The following DUX4 variants were observed in gnomAD, a reference collection of about 807,000 sequenced individuals.
DUX4 encodes double homeobox 4.
chr4:190,179,399 AG>A (rs1742490543), downstream of DUX4, among the ~76,000 whole-genome samples: 5 of 151,060 alleles, frequency 3.3e-5, no homozygotes, highest in South Asian at 2.1e-4. Context: ...AGCCTTGACA[AG>A]TGGTACATCA....
At chr4:190,177,387 G>T (rs1742363769), downstream of DUX4, among the ~76,000 whole-genome samples, 39 of 135,912 alleles carry the variant, frequency 2.9e-4, no homozygotes, top group East Asian at 6.6e-4. Context: ...GCAGAAATAT[G>T]TCACAAAGCC....
downstream of DUX4, among the ~76,000 whole-genome samples, chr4:190,176,847 C>G (rs1224246517): frequency 3.6e-4 from 46 of 127,736 alleles, no homozygotes; most frequent in African/African-American, 9.2e-4. Flanking sequence ...TGTCACAAAG[C>G]CTTCTGTAGG....
At chr4:190,183,138 G>A (rs1394723422) in intron 1 of DUX4, 1 of 64,650 alleles carries the variant, frequency 1.5e-5, no homozygotes, top group East Asian at 6.7e-4. Context: ...GTTAGGGTTA[G>A]GATTGGGGTT....
At chr4:190,181,330 G>A (rs1349476977) in intron 1 of DUX4, among the ~76,000 whole-genome samples, 1 of 1,136 alleles carries the variant, frequency 8.8e-4, no homozygotes, top group African/African-American at 1.8e-3. Context: ...CATCCCCTGG[G>A]TGATCTCTGC....
chr4:190,177,567 A>AGATGAGTGAT (rs1742375548), downstream of DUX4, among the ~76,000 whole-genome samples: 1 of 144,588 alleles, frequency 6.9e-6, no homozygotes, highest in Non-Finnish European at 1.5e-5. Flanking sequence ...GCGTTACATC[A>AGATGAGTGAT]CATGAGTGAT....
chr4:190,181,637 T>TCACAGTGCCCCCAC (rs1742588152), intron 1 of DUX4, among the ~76,000 whole-genome samples: 1 of 7,860 alleles, frequency 1.3e-4, no homozygotes, highest in African/African-American at 5.7e-4. Flanking sequence ...AAGCCCCCTG[T>TCACAGTGCCCCCAC]AGGCAGAGCC....
chr4:190,178,353 G>GCC (rs1742419566), downstream of DUX4, among the ~76,000 whole-genome samples: 1 of 149,196 alleles, frequency 6.7e-6, no homozygotes, highest in Non-Finnish European at 1.5e-5. Context: ...ATGTCACAAT[G>GCC]TCCCCTGTAG....
downstream of DUX4, among the ~76,000 whole-genome samples, chr4:190,176,570 A>G (rs1425706390): frequency 2.3e-5 from 2 of 87,592 alleles, no homozygotes; most frequent in Admixed American, 1.4e-4. Context: ...TATTAGTCAT[A>G]AAGCCTCCTG....
rs1579828993 is a variant in DUX4, at chr4:190,175,162, G to C, written c.*114G>C. On this transcript the variant is annotated 3_prime_UTR_variant, in exon 1 of 2. Coordinates refer to ENST00000565211, the MANE Select transcript of DUX4 (RefSeq NM_001306068.3). The stretch of plus-strand genomic sequence containing the variant: ...TGTCTCCGCCCCGCCCCCTCCACCG[G>C]GCTGACCGGCCTGGGATTCCTGCCT... 5.2e-5 allele frequency: 5 copies of C among 96,728 alleles called. No homozygotes were observed. Among genetic ancestry groups the C allele is most frequent in the African/African-American group, 2.7e-4 (3 of 11,058 alleles). 6.0% of individuals were successfully genotyped at this position (96,728 alleles called of 1,614,324 possible).
chr4:190,179,742 G>A (rs1742509184), downstream of DUX4, among the ~76,000 whole-genome samples: 1 of 152,140 alleles, frequency 6.6e-6, no homozygotes, highest in South Asian at 2.1e-4. Flanking sequence ...CTAGACAAGA[G>A]TTACATCACC....
At chr4:190,181,425 GC>G (rs1742569842) in intron 1 of DUX4, among the ~76,000 whole-genome samples, 147 of 6,058 alleles carry the variant, frequency 0.024, no homozygotes, top group Non-Finnish European at 0.031. Flanking sequence ...ATTTCACAAT[GC>G]CCCTGCAGGC....
intron 1 of DUX4, among the ~76,000 whole-genome samples, chr4:190,181,335 CTCTGCAA>C (rs1579837244): frequency 0.4 from 246 of 608 alleles, 89 homozygotes; most frequent in African/African-American, 0.53. Context: ...CCTGGGTGAT[CTCTGCAA>C]AGATATGCCA....
chr4:190,176,651 G>A (rs1276071065), downstream of DUX4, among the ~76,000 whole-genome samples: 348 of 119,476 alleles, frequency 2.9e-3, 19 homozygotes, highest in African/African-American at 8.4e-3. Flanking sequence ...AGCCCCTGTA[G>A]GCAGAGCCTA....
At chr4:190,177,488 AT>A (rs1742370429), downstream of DUX4, among the ~76,000 whole-genome samples, 2 of 152,016 alleles carry the variant, frequency 1.3e-5, no homozygotes, top group Non-Finnish European at 1.5e-5. Flanking sequence ...ATCCCAGAAA[AT>A]TGTTACATCA....
chr4:190,176,180 C>T (rs1742296058), downstream of DUX4, among the ~76,000 whole-genome samples: 2 of 112,582 alleles, frequency 1.8e-5, 1 homozygote, highest in Admixed American at 2.2e-4. Flanking sequence ...ATAAGCCAAA[C>T]CTTGACAAGG....
downstream of DUX4, among the ~76,000 whole-genome samples, chr4:190,176,491 A>T (rs1467898233): frequency 2.8e-5 from 3 of 108,210 alleles, 1 homozygote; most frequent in Non-Finnish European, 6.5e-5. Flanking sequence ...ATCAGTGCAG[A>T]GATATGTGAG....
At chr4:190,178,205 A>T (rs1742409930), downstream of DUX4, among the ~76,000 whole-genome samples, 640 of 132,372 alleles carry the variant, frequency 4.8e-3, no homozygotes, top group South Asian at 0.01. Flanking sequence ...GTGCAGAGAT[A>T]TGTCACAATG....
downstream of DUX4, among the ~76,000 whole-genome samples, chr4:190,180,099 T>C (rs1258176964): frequency 1.3e-4 from 3 of 23,358 alleles, no homozygotes; most frequent in Admixed American, 4.9e-4. Flanking sequence ...ACCTGGGTGA[T>C]CAGTGCAGAA....
intron 1 of DUX4, chr4:190,183,184 T>C (rs1314492822): frequency 1.1e-5 from 1 of 91,958 alleles, no homozygotes; most frequent in Non-Finnish European, 2.6e-5. Flanking sequence ...TAATTTCACA[T>C]TATTACTAAT....
Sources: allele counts gnomAD v4.1 joint callset (sites outside exome capture counted in the v4.1 genomes callset), GRCh38; gene constraint gnomAD v4.1.1; transcripts MANE v1.5; gene names NCBI Gene and HGNC (gene_info 2026-07-23, HGNC 2026-07-21).